Variants in ADAM19 observed in about 807,000 individuals in gnomAD.
ADAM19 encodes the protein ADAM metallopeptidase domain 19, also known as disintegrin and metalloproteinase domain-containing protein 19.
In ADAM19, 65 loss-of-function variants were observed where a neutral mutation model predicts 114.7. The observed-to-expected ratio is 0.57, with a 90% confidence interval of 0.46 to 0.70. The LOEUF is 0.70. Among genes scored for constraint, ADAM19 ranks in the 30% least tolerant of loss-of-function variants. The pLI is 0.00. For synonymous variants in ADAM19, 466 were observed against 460.5 expected (o/e 1.01, Z -0.15); for missense variants, 1,063 against 1,204.7 (o/e 0.88, Z 1.74).
chr5:157,535,701 C>A (rs531730631), intron 4 of ADAM19, among the ~76,000 whole-genome samples: 4 of 152,358 alleles, frequency 2.6e-5, no homozygotes, highest in Non-Finnish European at 4.4e-5. Flanking sequence ...GCAGAGAGCA[C>A]AAAGAACAAG....
At chr5:157,552,701 A>G (rs1157961255) in intron 3 of ADAM19, among the ~76,000 whole-genome samples, 2 of 145,958 alleles carry the variant, frequency 1.4e-5, no homozygotes, top group South Asian at 4.5e-4. Context: ...AAAAAAAAAA[A>G]GGAAATCAGT....
chr5:157,535,048 G>GAAAAAAA (rs1280381418), intron 4 of ADAM19, among the ~76,000 whole-genome samples: 2 of 130,254 alleles, frequency 1.5e-5, no homozygotes. Flanking sequence ...TGTAAAATGT[G>GAAAAAAA]GGGTTGGAAG....
intron 1 of ADAM19, among the ~76,000 whole-genome samples, chr5:157,572,987 T>C (rs1757873124): frequency 6.6e-6 from 1 of 152,120 alleles, no homozygotes; most frequent in South Asian, 2.1e-4. Context: ...GAGGCCAAGA[T>C]TGCGCCAGTG....
intron 3 of ADAM19, among the ~76,000 whole-genome samples, chr5:157,542,155 A>G (rs748963292): frequency 2.0e-5 from 3 of 152,158 alleles, no homozygotes; most frequent in Non-Finnish European, 4.4e-5. Context: ...TGTTCTCACC[A>G]TGCGACTTAG....
In ADAM19 at chr5:157,478,290, C is replaced by CAAAAAAAAAAA. The variant is rs36056270; in HGVS notation, c.*2648_*2658dup. On this transcript the variant is annotated 3_prime_UTR_variant, in exon 23 of 23. Transcript: ENST00000257527. ...CAGCAAACAGCCCCTCCCCTGGAGA[C>CAAAAAAAAAAA]AAAAAAAAAAAAAAAAAAAAAAAGG... 3 of 69,390 alleles carry CAAAAAAAAAAA rather than the reference C, an allele frequency of 4.3e-5. No individual in the cohort carries two copies. The highest frequency in any genetic ancestry group is 2.8e-5 in the Non-Finnish European group (1 of 36,312). 4.3% of individuals were successfully genotyped at this position (69,390 alleles called of 1,614,324 possible).
intron 3 of ADAM19, among the ~76,000 whole-genome samples, chr5:157,556,936 G>A (rs1225109244): frequency 7.2e-5 from 11 of 152,116 alleles, no homozygotes; most frequent in African/African-American, 2.2e-4. Flanking sequence ...GCTAGAGTGC[G>A]GTGGTATGAT....
chr5:157,547,360 T>A (rs565104703), intron 3 of ADAM19, among the ~76,000 whole-genome samples: 65 of 152,306 alleles, frequency 4.3e-4, no homozygotes, highest in African/African-American at 1.4e-3. Flanking sequence ...TAATCCCCAA[T>A]GCAACAGTGT....
At chr5:157,540,458 C>T (rs1756885786) in intron 3 of ADAM19, among the ~76,000 whole-genome samples, 1 of 152,126 alleles carries the variant, frequency 6.6e-6, no homozygotes, top group Non-Finnish European at 1.5e-5. Context: ...TGAGACTTAG[C>T]AAGGGGGGAG....
intron 12 of ADAM19, 30 bp from the exon 13 acceptor site, chr5:157,499,692 G>C: frequency 6.6e-7 from 1 of 1,506,346 alleles, no homozygotes; most frequent in Non-Finnish European, 9.1e-7. Context: ...GGTGTGAGTG[G>C]GGGAGGGCCT....
intron 21 of ADAM19, among the ~76,000 whole-genome samples, chr5:157,487,865 A>G (rs1253620530): frequency 2.0e-5 from 3 of 152,226 alleles, no homozygotes; most frequent in Non-Finnish European, 4.4e-5. Flanking sequence ...TTCCTGGGAG[A>G]AGCGGCATCT....
intron 5 of ADAM19, among the ~76,000 whole-genome samples, chr5:157,526,256 A>T (rs1387150087): frequency 1.3e-5 from 2 of 152,150 alleles, no homozygotes; most frequent in Non-Finnish European, 2.9e-5. Flanking sequence ...TACCTCCAAC[A>T]GTAATAACAG....
intron 21 of ADAM19, among the ~76,000 whole-genome samples, chr5:157,482,704 G>A (rs1189693549): frequency 6.6e-6 from 1 of 152,050 alleles, no homozygotes; most frequent in East Asian, 1.9e-4. Context: ...TCCCACTACT[G>A]GATATATACC....
intron 3 of ADAM19, among the ~76,000 whole-genome samples, chr5:157,556,889 A>T (rs1365119434): frequency 6.6e-6 from 1 of 152,166 alleles, no homozygotes; most frequent in Non-Finnish European, 1.5e-5. Context: ...GAGTATTATT[A>T]CTATTATTTG....
rs754687638 is a variant in ADAM19, at chr5:157,480,160, G to A, written c.*789C>T. 45 of 986,140 alleles carry A rather than the reference G, an allele frequency of 4.6e-5. No individual in the cohort carries two copies. The highest frequency in any genetic ancestry group is 2.3e-4 in the South Asian group (5 of 21,290). 61.1% of individuals were successfully genotyped at this position (986,140 alleles called of 1,614,324 possible). Reference sequence around the variant, plus strand: ...GAGAGGGGAAGGAAGAGAGAAAAGCGTGGGGCACCAGGAAAGTGCGGCAGA... The same window carrying A: ...GAGAGGGGAAGGAAGAGAGAAAAGCATGGGGCACCAGGAAAGTGCGGCAGA... On this transcript the variant is annotated 3_prime_UTR_variant, in exon 23 of 23. Coordinates refer to ENST00000257527, the MANE Select transcript of ADAM19 (RefSeq NM_033274.5).
chr5:157,554,261 A>G (rs546926863), intron 3 of ADAM19, among the ~76,000 whole-genome samples: 1 of 152,330 alleles, frequency 6.6e-6, no homozygotes, highest in South Asian at 2.1e-4. Context: ...ATAAGGGTCC[A>G]TCTAAGGCCA....
At chr5:157,526,010 T>C (rs1445747133) in intron 5 of ADAM19, among the ~76,000 whole-genome samples, 1 of 152,144 alleles carries the variant, frequency 6.6e-6, no homozygotes, top group Non-Finnish European at 1.5e-5. Flanking sequence ...TAATGAAACG[T>C]GCCAGACATT....
chr5:157,542,005 T>TCCTTTCTCTGGG (rs1319470567), intron 3 of ADAM19, among the ~76,000 whole-genome samples: 9 of 152,200 alleles, frequency 5.9e-5, no homozygotes, highest in Non-Finnish European at 1.0e-4. Flanking sequence ...TGCTGACACC[T>TCCTTTCTCTGGG]CCTTTCTCTG....
intron 4 of ADAM19, 116 bp downstream of exon 4, chr5:157,537,797 T>A (rs1395078211): frequency 1.1e-6 from 1 of 888,786 alleles, no homozygotes; most frequent in East Asian, 2.6e-5. Context: ...GGTCTTCGCT[T>A]GGGGGAAACA....
At chr5:157,518,480 G>T (rs934994024) in intron 7 of ADAM19, among the ~76,000 whole-genome samples, 1 of 152,216 alleles carries the variant, frequency 6.6e-6, no homozygotes, top group Non-Finnish European at 1.5e-5. Context: ...CGCCTCCCAG[G>T]TTCAGGAAAT....
Sources: allele counts gnomAD v4.1 joint callset (sites outside exome capture counted in the v4.1 genomes callset), GRCh38; gene constraint gnomAD v4.1.1; transcripts MANE v1.5; gene names NCBI Gene and HGNC (gene_info 2026-07-23, HGNC 2026-07-21).